Variants in KPNA3 observed in about 807,000 individuals in gnomAD.
KPNA3 encodes the protein karyopherin subunit alpha 3.
KPNA3 carries 13 observed loss-of-function variants against 73.8 expected under a neutral mutation model. The ratio of observed to expected loss-of-function variants is 0.18; its 90% CI spans 0.11 to 0.28. The LOEUF is 0.28. Ranked by LOEUF, KPNA3 falls within the 10% of genes least tolerant of loss-of-function variation. The pLI is 1.00. For synonymous variants in KPNA3, 186 were observed against 206.9 expected (o/e 0.90, Z 0.87); for missense variants, 360 against 618.1 (o/e 0.58, Z 4.43).
At chr13:49,773,754 G>A (rs1954874227) in intron 1 of KPNA3, among the ~76,000 whole-genome samples, 1 of 152,090 alleles carries the variant, frequency 6.6e-6, no homozygotes, top group Non-Finnish European at 1.5e-5. Context: ...AAGTCTACTA[G>A]GCAGAAGAAC....
chr13:49,709,711 G>A lies in KPNA3; in HGVS notation c.904-11C>T. 3 of 1,599,396 alleles carry A rather than the reference G, an allele frequency of 1.9e-6. No homozygotes were observed. In the South Asian group the frequency reaches 3.4e-5, roughly 18 times the overall value. On this transcript the variant is annotated splice_polypyrimidine_tract_variant and intron_variant, in intron 11 of 16. Transcript: ENST00000261667. ...TCTGAGGGCTGCTGTCTAGGGTGGG[G>A]ATAAAATGTTTTCTATAAATTTATT...
At chr13:49,721,907 C>A (rs762224309) in intron 9 of KPNA3, 48 bp downstream of exon 9, 1 of 1,306,562 alleles carries the variant, frequency 7.7e-7, no homozygotes. Flanking sequence ...TCCTGAAGTA[C>A]AAACATAGGG....
At chr13:49,740,326 T>C (rs930047608) in intron 2 of KPNA3, among the ~76,000 whole-genome samples, 2 of 152,106 alleles carry the variant, frequency 1.3e-5, no homozygotes, top group Admixed American at 6.5e-5. Context: ...TAAAATCTAC[T>C]GTCAGTGATT....
intron 1 of KPNA3, among the ~76,000 whole-genome samples, chr13:49,753,026 CAAAAAAAAAAAAAAAAA>C (rs71078888): frequency 7.3e-5 from 6 of 82,212 alleles, no homozygotes; most frequent in Admixed American, 7.0e-4. Context: ...GACTCTGTCT[CAAAAAAAAAAAAAAAAA>C]AAAAAAAAAA....
At position 49,762,235 on chromosome 13, in the gene KPNA3, C is replaced by T. The variant is rs951877035; in HGVS notation, c.70-15242G>A. Among the ~76,000 whole-genome samples the T allele has an allele frequency of 6.1e-5, 9 of 147,536 alleles. No homozygotes were observed. In the East Asian group the frequency reaches 1.2e-3, roughly 20 times the overall value. ...CCCCGCCCGGCCAGCCGCCCCGTCG[C>T]GGAGGGAGGAGGGGGGGCGCCTCCG... On this transcript the variant is annotated intron_variant, in intron 1 of 16. Coordinates refer to ENST00000261667, the MANE Select transcript of KPNA3 (RefSeq NM_002267.4).
At chr13:49,754,736 G>A (rs551711661) in intron 1 of KPNA3, among the ~76,000 whole-genome samples, 33 of 151,416 alleles carry the variant, frequency 2.2e-4, no homozygotes, top group Middle Eastern at 3.5e-3. Context: ...AAAGAACAAG[G>A]GAAAACTACA....
intron 12 of KPNA3, among the ~76,000 whole-genome samples, 158 bp downstream of exon 12, chr13:49,709,414 A>G (rs1954238633): frequency 6.6e-6 from 1 of 151,880 alleles, no homozygotes; most frequent in Non-Finnish European, 1.5e-5. Flanking sequence ...AAAAAAAAAA[A>G]AAGTTGAAGA....
At chr13:49,726,613 G>T (rs1045617662) in intron 6 of KPNA3, among the ~76,000 whole-genome samples, 1 of 152,124 alleles carries the variant, frequency 6.6e-6, no homozygotes, top group Non-Finnish European at 1.5e-5. Flanking sequence ...TCAATGGTAT[G>T]CAGAATGGCT....
At chr13:49,711,415 G>A (rs2236326) in intron 10 of KPNA3, among the ~76,000 whole-genome samples, 18,153 of 152,208 alleles carry the variant, frequency 0.12, 2,170 homozygotes, top group East Asian at 0.58. Context: ...AAGTTCAGAA[G>A]AGAACAGAAA....
intron 1 of KPNA3, among the ~76,000 whole-genome samples, chr13:49,764,584 T>A (rs73485710): frequency 0.12 from 18,110 of 152,088 alleles, 2,171 homozygotes; most frequent in East Asian, 0.58. Context: ...CCAAGATCCC[T>A]GTCTCCTTTC....
chr13:49,732,990 T>G lies in KPNA3; in HGVS notation c.171A>C (p.Leu57=). ...AATCAGCATCAACATCTGAATCTTC[T>G]AGACTTTCTTCTTGGGGAACATTTC... ...KKRNVPQEES[L]EDSDVDADFK... Residue 57 remains leucine, a synonymous_variant, in exon 3 of 17, where the codon CTA becomes CTC. Transcript: ENST00000261667. 1 of 1,611,182 alleles carries G rather than the reference T, an allele frequency of 6.2e-7. No individual in the cohort carries two copies.
chr13:49,762,532 C>T (rs928959884), intron 1 of KPNA3, among the ~76,000 whole-genome samples: 1 of 152,220 alleles, frequency 6.6e-6, no homozygotes, highest in Non-Finnish European at 1.5e-5. Flanking sequence ...AAAGATTCTT[C>T]TGCCTTGGGA....
At chr13:49,753,422 A>C (rs1276393541) in intron 1 of KPNA3, among the ~76,000 whole-genome samples, 1 of 152,254 alleles carries the variant, frequency 6.6e-6, no homozygotes, top group Non-Finnish European at 1.5e-5. Flanking sequence ...AACTGTTATA[A>C]ACACAACTCA....
intron 1 of KPNA3, among the ~76,000 whole-genome samples, chr13:49,790,873 C>A (rs1479409109): frequency 2.0e-5 from 3 of 152,150 alleles, no homozygotes; most frequent in African/African-American, 7.2e-5. Context: ...GAGTATTTTT[C>A]AATAAATTTT....
At chr13:49,727,447 C>CAAA (rs1242720259) in intron 6 of KPNA3, among the ~76,000 whole-genome samples, 1 of 50,078 alleles carries the variant, frequency 2.0e-5, no homozygotes, top group African/African-American at 7.4e-5. Flanking sequence ...GATTCCATCT[C>CAAA]AAAAAAAAAA....
chr13:49,769,001 C>G (rs2137591634), intron 1 of KPNA3, among the ~76,000 whole-genome samples: 1 of 152,278 alleles, frequency 6.6e-6, no homozygotes, highest in East Asian at 1.9e-4. Context: ...CAGACAAAAA[C>G]CCACCAACTC....
intron 10 of KPNA3, among the ~76,000 whole-genome samples, chr13:49,717,681 TA>T (rs1954318130): frequency 6.6e-6 from 1 of 152,210 alleles, no homozygotes; most frequent in South Asian, 2.1e-4. Flanking sequence ...ATGATGGAGA[TA>T]ATGAGAGTAC....
At chr13:49,774,201 G>C (rs558182037) in intron 1 of KPNA3, among the ~76,000 whole-genome samples, 82 of 152,188 alleles carry the variant, frequency 5.4e-4, no homozygotes, top group African/African-American at 1.8e-3. Context: ...CACCACACCA[G>C]GTCTTAGTTC....
chr13:49,772,887 G>C (rs889124363), intron 1 of KPNA3, among the ~76,000 whole-genome samples: 2 of 152,134 alleles, frequency 1.3e-5, no homozygotes, highest in African/African-American at 2.4e-5. Context: ...GAAACACATA[G>C]ACTTGTACTG....
Sources: allele counts gnomAD v4.1 joint callset (sites outside exome capture counted in the v4.1 genomes callset), GRCh38; gene constraint gnomAD v4.1.1; transcripts MANE v1.5; gene names NCBI Gene and HGNC (gene_info 2026-07-23, HGNC 2026-07-21).